NOS2: variants seen among roughly 807,000 people sequenced by gnomAD.
NOS2 encodes the protein nitric oxide synthase, inducible.
NOS2 carries 96 observed loss-of-function variants against 136.0 expected under a neutral mutation model. The observed-to-expected ratio is 0.71, with a 90% CI of 0.60 to 0.84. The LOEUF is 0.84. Among genes scored for constraint, NOS2 ranks in the 40% least tolerant of loss-of-function variants. NOS2 has a pLI of 0.00. For missense variants in NOS2, 1,237 were observed against 1,496.9 expected, an observed-to-expected ratio of 0.83 and a Z score of 2.87; for synonymous variants, 539 against 587.5, an observed-to-expected ratio of 0.92 and a Z score of 1.20.
chr17:27,776,011 C>G (rs1192611047), intron 11 of NOS2, among the ~76,000 whole-genome samples: 1 of 152,144 alleles, frequency 6.6e-6, no homozygotes, highest in African/African-American at 2.4e-5. Context: ...TTTCACACGG[C>G]CTGATAGAAA....
intron 18 of NOS2, 135 bp downstream of exon 18, chr17:27,767,570 C>T (rs28944169): frequency 0.026 from 26,202 of 1,021,042 alleles, 533 homozygotes; most frequent in Admixed American, 0.08. Context: ...CCCTAACAGG[C>T]TCTTGCATGC....
intron 20 of NOS2, among the ~76,000 whole-genome samples, chr17:27,764,796 G>T (rs1908244221): frequency 6.6e-6 from 1 of 152,198 alleles, no homozygotes; most frequent in African/African-American, 2.4e-5. Flanking sequence ...CTGGTACACA[G>T]ATGCTTTGTA....
At chr17:27,784,475 C>G (rs183151155) in intron 5 of NOS2, among the ~76,000 whole-genome samples, 7 of 152,318 alleles carry the variant, frequency 4.6e-5, no homozygotes, top group African/African-American at 7.2e-5. Flanking sequence ...AATATTCCCC[C>G]CTCTGCACCT....
At chr17:27,763,075 CA>C in intron 21 of NOS2, 70 bp from the exon 22 acceptor site, 2 of 1,014,500 alleles carry the variant, frequency 2.0e-6, no homozygotes, top group Non-Finnish European at 2.9e-6. Context: ...TGTCACAACC[CA>C]GTATTCATTC....
Position 27,789,646 on chromosome 17 carries a change from C to T in NOS2, c.153G>A (p.Lys51=). The T allele has an allele frequency of 1.2e-6, 2 of 1,614,114 alleles. No individual in the cohort carries two copies. The highest frequency in any genetic ancestry group is 1.6e-4 in the Middle Eastern group (1 of 6,062). ...QDDLQYHNLS[K]QQNESPQPLV... ...GGGGCTGCGGGGACTCATTCTGCTG[C>T]TTGCTGAGGTTGTGATACTGAAGGT... The change falls in exon 3 of 27, where the codon AAG becomes AAA. Residue 51 remains lysine (K), a synonymous_variant. Transcript: ENST00000313735.
chr17:27,784,548 C>T (rs1221617947), intron 5 of NOS2, among the ~76,000 whole-genome samples: 1 of 152,148 alleles, frequency 6.6e-6, no homozygotes, highest in Non-Finnish European at 1.5e-5. Context: ...GTGGTCAGCA[C>T]GTGCATATGC....
chr17:27,788,879 C>T lies in NOS2; in HGVS notation c.248G>A (p.Arg83Gln), dbSNP rs760125730. Residue 83 changes from arginine to glutamine, a missense_variant, in exon 4 of 27, where the codon CGG becomes CAG. This residue lies in a region of NOS2 where 440 missense variants were observed against 545.4 expected (regional missense o/e 0.81). Coordinates refer to ENST00000313735, the MANE Select transcript of NOS2 (RefSeq NM_000625.4). Reference protein sequence around the residue: ...KLDATPLSSPRHVRIKNWGSG... With the variant: ...KLDATPLSSPQHVRIKNWGSG... Reference sequence around the variant, plus strand: ...GCCCCAGTTTTTGATCCTCACATGCCGTGGGGAGGACAATGGGGTTGCATC... The same window carrying T: ...GCCCCAGTTTTTGATCCTCACATGCTGTGGGGAGGACAATGGGGTTGCATC... 5.0e-6 allele frequency: 8 copies of T among 1,614,082 alleles called. No individual in the cohort carries two copies. The highest frequency in any genetic ancestry group is 2.2e-5 in the South Asian group (2 of 91,066).
intron 2 of NOS2, among the ~76,000 whole-genome samples, chr17:27,791,520 T>G (rs1263416288): frequency 1.3e-5 from 2 of 152,102 alleles, no homozygotes; most frequent in African/African-American, 4.8e-5. Flanking sequence ...ATTCCCCCTA[T>G]GCCTGAAGTT....
In NOS2 at chr17:27,778,927, G is replaced by C. The variant is rs151070816; in HGVS notation, c.1134C>G (p.Ile378Met). The change falls in exon 10 of 27, where the codon ATC becomes ATG. Residue 378 changes from isoleucine to methionine, a missense_variant. Physicochemically the swap from Ile to Met is conservative, Grantham distance 10. Around this residue, in one of 3 missense-constraint regions of NOS2, gnomAD observed 440 missense variants for 545.4 expected, o/e 0.81. Transcript: ENST00000313735. ...GGACGTCACAGAAGTCCCGGACTCC[G>C]ATCTCTGTGCCCATGTACCAGCCAT... ...PFNGWYMGTE[I>M]GVRDFCDVQR... is the part of the protein sequence containing the mutation. The C allele has an allele frequency of 4.3e-6, 7 of 1,610,684 alleles. No individual in the cohort carries two copies. The highest frequency in any genetic ancestry group is 5.1e-6 in the Non-Finnish European group (6 of 1,177,932).
chr17:27,761,117 A>G (rs1908111383), intron 23 of NOS2, 27 bp downstream of exon 23: 5 of 1,537,644 alleles, frequency 3.3e-6, no homozygotes, highest in Non-Finnish European at 3.5e-6. Flanking sequence ...GCGGCCCCAC[A>G]GGGGACAGAG....
At chr17:27,793,421 G>C (rs577645893) in intron 2 of NOS2, among the ~76,000 whole-genome samples, 11 of 152,170 alleles carry the variant, frequency 7.2e-5, no homozygotes, top group Non-Finnish European at 1.5e-4. Context: ...CTCCTGAATT[G>C]CGACCTCTCA....
intron 14 of NOS2, 80 bp from the exon 15 acceptor site, chr17:27,771,097 T>A: frequency 1.0e-6 from 1 of 984,358 alleles, no homozygotes; most frequent in Non-Finnish European, 1.6e-6. Context: ...CTGGGCTTCC[T>A]CCCACACTGC....
In NOS2 at chr17:27,760,616, G is replaced by C; in HGVS notation, c.3010+7C>G. 6.4e-7 allele frequency: 1 copy of C among 1,552,958 alleles called. No individual in the cohort carries two copies. Among genetic ancestry groups the C allele is most frequent in the Admixed American group, 2.0e-5 (1 of 51,238 alleles). ...GCCCCTCCCACCTGGGAAGCCTCCA[G>C]CCTTACCCTTGTGCTGGGAGTCATG... On this transcript the variant is annotated splice_region_variant and intron_variant, in intron 24 of 26. Transcript: ENST00000313735.
At chr17:27,787,550 A>G in intron 5 of NOS2, 128 bp downstream of exon 5, 1 of 773,892 alleles carries the variant, frequency 1.3e-6, no homozygotes, top group African/African-American at 1.8e-5. Context: ...GCTCTGCAAA[A>G]TCATAGTGAT....
chr17:27,761,041 C>T (rs1908107712), intron 23 of NOS2, 103 bp downstream of exon 23: 4 of 1,132,428 alleles, frequency 3.5e-6, no homozygotes, highest in Non-Finnish European at 4.9e-6. Flanking sequence ...CTTTATGGGC[C>T]AAGGGGCTCC....
At chr17:27,785,174 C>T (rs1336049157) in intron 5 of NOS2, among the ~76,000 whole-genome samples, 3 of 152,064 alleles carry the variant, frequency 2.0e-5, no homozygotes, top group African/African-American at 7.3e-5. Context: ...GAGCAAGGTA[C>T]ATCTCTTCTG....
chr17:27,778,297 C>G (rs1360362167), intron 11 of NOS2, among the ~76,000 whole-genome samples: 1 of 151,910 alleles, frequency 6.6e-6, no homozygotes, highest in African/African-American at 2.4e-5. Flanking sequence ...CATAGTTTTG[C>G]TGTAGAAAGG....
chr17:27,799,241 G>A (rs762091955), intron 1 of NOS2, among the ~76,000 whole-genome samples: 9 of 152,186 alleles, frequency 5.9e-5, no homozygotes, highest in Admixed American at 1.3e-4. Context: ...CCCGGAGGTC[G>A]TTGAAACAGG....
At chr17:27,779,580 G>A (rs191304998) in intron 9 of NOS2, among the ~76,000 whole-genome samples, 5 of 152,108 alleles carry the variant, frequency 3.3e-5, no homozygotes, top group Admixed American at 1.3e-4. Flanking sequence ...CCAGAGAGAC[G>A]TATTGGACAC....
Sources: allele counts gnomAD v4.1 joint callset (sites outside exome capture counted in the v4.1 genomes callset), GRCh38; gene constraint gnomAD v4.1.1; regional missense constraint gnomAD v4.1.1; transcripts MANE v1.5; gene names NCBI Gene and HGNC (gene_info 2026-07-23, HGNC 2026-07-21).